PCDHA10: variants seen among roughly 807,000 people sequenced by gnomAD.
PCDHA10 encodes protocadherin alpha-10.
PCDHA10 carries 45 observed loss-of-function variants against 61.2 expected under a neutral mutation model. The ratio of observed to expected loss-of-function variants is 0.74; its 90% CI spans 0.58 to 0.94. The LOEUF is 0.94. PCDHA10 is among the 40% of genes least tolerant of loss of function. The pLI is 0.00. For missense variants in PCDHA10, 1,278 were observed against 1,236.2 expected, an observed-to-expected ratio of 1.03 and a Z score of -0.51; for synonymous variants, 602 against 548.8, an observed-to-expected ratio of 1.10 and a Z score of -1.35.
chr5:140,906,258 C>T (rs1162219070), intron 1 of PCDHA10, among the ~76,000 whole-genome samples: 4 of 152,180 alleles, frequency 2.6e-5, no homozygotes, highest in African/African-American at 9.7e-5. Flanking sequence ...TACACACCTC[C>T]TGAAATTATA....
chr5:140,998,569 GT>G (rs71574497), intron 3 of PCDHA10, among the ~76,000 whole-genome samples: 30,440 of 149,318 alleles, frequency 0.2, 3,131 homozygotes, highest in Middle Eastern at 0.33. Flanking sequence ...TTGTAAATAA[GT>G]TTTTTTTTTT....
At position 141,009,806 on chromosome 5, in the gene PCDHA10, A is replaced by G. The variant is rs781853535; in HGVS notation, c.2716A>G (p.Ile906Val). 18 of 1,614,018 alleles carry G rather than the reference A, an allele frequency of 1.1e-5. No individual in the cohort carries two copies. Among genetic ancestry groups the G allele is most frequent in the Non-Finnish European group, 1.5e-5 (18 of 1,180,028 alleles). ...SIRQEPTNSQ[I>V]DKSDFITFGK... is the part of the protein sequence containing the mutation. ...CCGGCAGGAGCCTACTAACAGCCAA[A>G]TTGACAAAAGTGACTTCATAACCTT... The change falls in exon 4 of 4, where the codon ATT becomes GTT. Residue 906 changes from isoleucine (I) to valine (V), a missense_variant. Physicochemically the swap from Ile to Val is conservative, Grantham distance 29 (BLOSUM62 3). Coordinates refer to ENST00000307360, the MANE Select transcript of PCDHA10 (RefSeq NM_018901.4).
chr5:140,909,895 C>A (rs1296442880), intron 1 of PCDHA10, among the ~76,000 whole-genome samples: 1 of 152,152 alleles, frequency 6.6e-6, no homozygotes, highest in Non-Finnish European at 1.5e-5. Context: ...GTTCAGTAGT[C>A]CCTGAAATGG....
At chr5:140,921,850 G>C (rs2080436717) in intron 1 of PCDHA10, among the ~76,000 whole-genome samples, 1 of 151,984 alleles carries the variant, frequency 6.6e-6, no homozygotes, top group African/African-American at 2.4e-5. Context: ...ATTTATAGAT[G>C]TGTGTGTATA....
chr5:140,870,256 A>G, intron 1 of PCDHA10: 1 of 1,614,168 alleles, frequency 6.2e-7, no homozygotes, highest in Non-Finnish European at 8.5e-7. Flanking sequence ...CGGACAGGTG[A>G]CCTGCTCGCT....
chr5:140,917,333 G>T (rs1301739777), intron 1 of PCDHA10, among the ~76,000 whole-genome samples: 6 of 148,632 alleles, frequency 4.0e-5, no homozygotes, highest in East Asian at 2.0e-4. Context: ...GCGGGGGAGG[G>T]GGGGGATGGT....
chr5:140,903,498 T>C (rs1205249543), intron 1 of PCDHA10, among the ~76,000 whole-genome samples: 2 of 152,320 alleles, frequency 1.3e-5, no homozygotes, highest in East Asian at 1.9e-4. Context: ...GCAGGTACCA[T>C]AGATAATAGT....
At chr5:140,946,059 G>T (rs979423479) in intron 1 of PCDHA10, among the ~76,000 whole-genome samples, 4 of 152,038 alleles carry the variant, frequency 2.6e-5, no homozygotes, top group Non-Finnish European at 4.4e-5. Flanking sequence ...CAGAATGGGA[G>T]AAAATATTTG....
chr5:140,868,895 G>A (rs782646284), intron 1 of PCDHA10: 198 of 777,068 alleles, frequency 2.5e-4, no homozygotes, highest in Admixed American at 3.7e-4. Flanking sequence ...TAGGCGCAAG[G>A]TGTCGCTCTT....
intron 3 of PCDHA10, among the ~76,000 whole-genome samples, chr5:141,007,846 A>G (rs1368916424): frequency 6.6e-6 from 1 of 152,176 alleles, no homozygotes. Flanking sequence ...TAGAGACTCA[A>G]AGTCCTTAAA....
At chr5:140,897,900 A>G (rs1173970358) in intron 1 of PCDHA10, among the ~76,000 whole-genome samples, 5 of 152,140 alleles carry the variant, frequency 3.3e-5, no homozygotes, top group Non-Finnish European at 5.9e-5. Context: ...GTGAGATGGT[A>G]TCTCATTGTG....
chr5:140,871,117 G>A (rs2052723130), intron 1 of PCDHA10: 1 of 1,613,286 alleles, frequency 6.2e-7, no homozygotes, highest in East Asian at 2.2e-5. Flanking sequence ...GGTGGAGAGC[G>A]GACAGGCGCC....
At chr5:140,950,195 C>A (rs186601471) in intron 1 of PCDHA10, among the ~76,000 whole-genome samples, 1 of 152,028 alleles carries the variant, frequency 6.6e-6, no homozygotes, top group Non-Finnish European at 1.5e-5. Context: ...AAAAAATAGT[C>A]ATTTCTGTTT....
chr5:140,902,750 A>C (rs1367370245), intron 1 of PCDHA10, among the ~76,000 whole-genome samples: 1 of 151,888 alleles, frequency 6.6e-6, no homozygotes. Flanking sequence ...AATCCATTAT[A>C]TCATTCTTAT....
At chr5:140,969,294 T>C in intron 1 of PCDHA10, 2 of 1,614,212 alleles carry the variant, frequency 1.2e-6, no homozygotes, top group Non-Finnish European at 1.7e-6. Context: ...GCTGGGAACC[T>C]GATTATTCTC....
chr5:140,883,320 C>T, intron 1 of PCDHA10: 1 of 1,614,112 alleles, frequency 6.2e-7, no homozygotes, highest in Non-Finnish European at 8.5e-7. Flanking sequence ...CCAGAGGTTA[C>T]CATCACTTCT....
chr5:140,969,148 G>T, intron 1 of PCDHA10: 1 of 1,614,102 alleles, frequency 6.2e-7, no homozygotes. Flanking sequence ...ACTGCTACAA[G>T]GCCTGTCTGA....
chr5:140,937,653 C>G (rs930742748), intron 1 of PCDHA10, among the ~76,000 whole-genome samples: 1 of 151,298 alleles, frequency 6.6e-6, no homozygotes, highest in Non-Finnish European at 1.5e-5. Context: ...TGGCTCACGC[C>G]TGTAATCCCA....
At chr5:140,962,431 A>G (rs782205198) in intron 1 of PCDHA10, among the ~76,000 whole-genome samples, 2 of 152,126 alleles carry the variant, frequency 1.3e-5, no homozygotes, top group Non-Finnish European at 2.9e-5. Flanking sequence ...ATTGTTACTT[A>G]TCCAAAGATG....
Sources: allele counts gnomAD v4.1 joint callset (sites outside exome capture counted in the v4.1 genomes callset), GRCh38; gene constraint gnomAD v4.1.1; transcripts MANE v1.5; gene names NCBI Gene and HGNC (gene_info 2026-07-23, HGNC 2026-07-21).